TSHZ2: variants seen among roughly 807,000 people sequenced by gnomAD.
TSHZ2 encodes teashirt homolog 2.
A neutral mutation model predicts 74.4 loss-of-function variants in TSHZ2; 21 were observed. The ratio of observed to expected loss-of-function variants is 0.28; its 90% CI spans 0.20 to 0.41. TSHZ2 has a LOEUF of 0.41. Ranked by LOEUF, TSHZ2 falls within the 10% of genes least tolerant of loss-of-function variation. The pLI is 1.00. For synonymous variants in TSHZ2, 540 were observed against 515.3 expected (o/e 1.05, Z -0.65); for missense variants, 1,244 against 1,293.5 (o/e 0.96, Z 0.59).
chr20:53,457,347 TG>T (rs1985138723), intron 2 of TSHZ2, among the ~76,000 whole-genome samples: 1 of 117,110 alleles, frequency 8.5e-6, no homozygotes, highest in Non-Finnish European at 1.7e-5. Context: ...ACTCATGATT[TG>T]GCTCTCTGTT....
chr20:53,282,587 C>T (rs1256117426), intron 2 of TSHZ2, among the ~76,000 whole-genome samples: 4 of 152,232 alleles, frequency 2.6e-5, no homozygotes, highest in Non-Finnish European at 2.9e-5. Context: ...ATCCTTAACT[C>T]ATATTCACCG....
chr20:53,270,385 C>A (rs971973352), intron 2 of TSHZ2, among the ~76,000 whole-genome samples: 1 of 152,126 alleles, frequency 6.6e-6, no homozygotes, highest in African/African-American at 2.4e-5. Context: ...CTCAATTAAT[C>A]TTTCTCCTAA....
rs763965907 is a variant in TSHZ2 at position 53,255,561 on chromosome 20, C to A, written c.2103C>A (p.Val701=). 2 of 1,583,704 alleles carry A rather than the reference C, an allele frequency of 1.3e-6. No individual in the cohort carries two copies. Among genetic ancestry groups the A allele is most frequent in the Non-Finnish European group, 8.6e-7 (1 of 1,166,538 alleles). Residue 701 remains valine (V), a synonymous_variant, in exon 2 of 3, where the codon GTC becomes GTA. Coordinates refer to ENST00000371497, the MANE Select transcript of TSHZ2 (RefSeq NM_173485.6). The surrounding 1 kb of genome is among the most constrained non-coding windows in gnomAD (Gnocchi z 4.1). ...CINPLSALQS[V]LNNHLGKATE... The stretch of plus-strand genomic sequence containing the variant: ...ACCCACTCAGCGCCCTGCAGTCCGT[C>A]CTGAACAATCACTTGGGCAAAGCCA...
intron 2 of TSHZ2, among the ~76,000 whole-genome samples, chr20:53,381,052 T>C (rs1714703560): frequency 6.6e-6 from 1 of 152,218 alleles, no homozygotes; most frequent in South Asian, 2.1e-4. Context: ...TGTGATTTTG[T>C]GTGACTCACT....
At chr20:53,079,521 A>G (rs1193188284) in intron 1 of TSHZ2, among the ~76,000 whole-genome samples, 1 of 152,188 alleles carries the variant, frequency 6.6e-6, no homozygotes, top group Non-Finnish European at 1.5e-5. Context: ...GTGTATTGGG[A>G]ATACAGAAAG....
At chr20:53,204,906 C>T (rs946053087) in intron 1 of TSHZ2, among the ~76,000 whole-genome samples, 2 of 151,756 alleles carry the variant, frequency 1.3e-5, no homozygotes, top group Non-Finnish European at 2.9e-5. Context: ...ATGCTGAAAC[C>T]CTGTCTCTAC....
chr20:53,434,736 A>G (rs1275940196), intron 2 of TSHZ2, among the ~76,000 whole-genome samples: 1 of 152,246 alleles, frequency 6.6e-6, no homozygotes. Flanking sequence ...AGATTTGTTT[A>G]GAGTTTGTGG....
At chr20:53,128,905 C>G (rs746606529) in intron 1 of TSHZ2, among the ~76,000 whole-genome samples, 1 of 152,072 alleles carries the variant, frequency 6.6e-6, no homozygotes, top group Non-Finnish European at 1.5e-5. Flanking sequence ...CAGGCATAAG[C>G]CACCATGCCT....
At chr20:53,004,580 T>C (rs2122974780) in intron 1 of TSHZ2, among the ~76,000 whole-genome samples, 1 of 152,278 alleles carries the variant, frequency 6.6e-6, no homozygotes, top group Middle Eastern at 3.4e-3. Flanking sequence ...GGGAAAAGCA[T>C]AAAACAAGGT....
chr20:53,310,782 C>T (rs1348256647), intron 2 of TSHZ2, among the ~76,000 whole-genome samples: 1 of 152,154 alleles, frequency 6.6e-6, no homozygotes, highest in East Asian at 1.9e-4. Context: ...GAAAGAGTCT[C>T]TTTCAAGATG....
intron 2 of TSHZ2, among the ~76,000 whole-genome samples, chr20:53,444,708 G>A (rs16998104): frequency 0.013 from 1,967 of 152,302 alleles, 34 homozygotes; most frequent in African/African-American, 0.044. Context: ...GTATGTCAAA[G>A]TGTCCACAAG....
At chr20:53,106,055 C>T (rs1202378131) in intron 1 of TSHZ2, among the ~76,000 whole-genome samples, 1 of 152,132 alleles carries the variant, frequency 6.6e-6, no homozygotes, top group African/African-American at 2.4e-5. Flanking sequence ...AAGTGTTTAG[C>T]ATATCCATCA....
At chr20:53,031,724 T>C (rs746944854) in intron 1 of TSHZ2, among the ~76,000 whole-genome samples, 11 of 152,196 alleles carry the variant, frequency 7.2e-5, no homozygotes, top group Non-Finnish European at 1.5e-4. Flanking sequence ...TGCCCTGATA[T>C]GGTATAGATT....
chr20:53,047,990 A>G (rs1416726325), intron 1 of TSHZ2, among the ~76,000 whole-genome samples: 1 of 152,200 alleles, frequency 6.6e-6, no homozygotes, highest in Non-Finnish European at 1.5e-5. Context: ...TGGCCAAGTT[A>G]GTAAACAGGT....
At chr20:53,281,451 A>G (rs1991059810) in intron 2 of TSHZ2, among the ~76,000 whole-genome samples, 1 of 152,234 alleles carries the variant, frequency 6.6e-6, no homozygotes, top group African/African-American at 2.4e-5. Flanking sequence ...TACAGTGTCT[A>G]CTACAAATCT....
At chr20:53,177,394 C>G (rs1401175921) in intron 1 of TSHZ2, among the ~76,000 whole-genome samples, 1 of 152,198 alleles carries the variant, frequency 6.6e-6, no homozygotes, top group African/African-American at 2.4e-5. Flanking sequence ...GCGTATGAAT[C>G]TACTGGGGAT....
Position 53,255,742 on chromosome 20 carries a change from G to C in TSHZ2, c.2284G>C (p.Asp762His). The stretch of plus-strand genomic sequence containing the variant: ...CAGGCGCTACCTGTTTGAGAACAGC[G>C]ATCAGCCCATTGACCTGACCAAGTC... ...VSRRYLFENSDQPIDLTKSKS... is the reference protein window; with the variant it reads ...VSRRYLFENSHQPIDLTKSKS... Residue 762 changes from aspartate to histidine, a missense_variant, in exon 2 of 3, where the codon GAT becomes CAT. Asp to His is a moderately conservative substitution (Grantham distance 81). Around this residue, in one of 6 missense-constraint regions of TSHZ2, gnomAD observed 562 missense variants for 544.0 expected, o/e 1.03. Coordinates refer to ENST00000371497, the MANE Select transcript of TSHZ2 (RefSeq NM_173485.6). The surrounding 1 kb of genome is among the most constrained non-coding windows in gnomAD (Gnocchi z 4.1). 1 of 1,613,568 alleles carries C rather than the reference G, an allele frequency of 6.2e-7. No homozygotes were observed. The highest frequency in any genetic ancestry group is 8.5e-7 in the Non-Finnish European group (1 of 1,179,806).
intron 1 of TSHZ2, among the ~76,000 whole-genome samples, chr20:53,175,775 C>A (rs1988322756): frequency 6.6e-6 from 1 of 152,154 alleles, no homozygotes; most frequent in Admixed American, 6.5e-5. Context: ...TGGTGGTACC[C>A]CGACCTACAG....
intron 2 of TSHZ2, among the ~76,000 whole-genome samples, chr20:53,312,546 A>T (rs1253291997): frequency 6.6e-6 from 1 of 152,192 alleles, no homozygotes; most frequent in African/African-American, 2.4e-5. Context: ...AGAGAGGGAA[A>T]TGGAGTAGGT....
Sources: allele counts gnomAD v4.1 joint callset (sites outside exome capture counted in the v4.1 genomes callset), GRCh38; gene constraint gnomAD v4.1.1; regional missense constraint gnomAD v4.1.1; non-coding constraint Gnocchi (gnomAD v3.1); transcripts MANE v1.5; gene names NCBI Gene and HGNC (gene_info 2026-07-23, HGNC 2026-07-21).